Variants in CAMTA1 observed in about 807,000 individuals in gnomAD.
CAMTA1 encodes calmodulin binding transcription activator 1.
In CAMTA1, 27 loss-of-function variants were observed where a neutral mutation model predicts 170.9. The ratio of observed to expected loss-of-function variants is 0.16; its 90% CI spans 0.12 to 0.22. The LOEUF is 0.22. CAMTA1 is among the 10% of genes least tolerant of loss of function. CAMTA1 has a pLI of 1.00. For missense variants in CAMTA1, 1,619 were observed against 2,217.2 expected, an observed-to-expected ratio of 0.73 and a Z score of 5.42; for synonymous variants, 833 against 891.5, an observed-to-expected ratio of 0.93 and a Z score of 1.17.
chr1:7,470,638 G>T (rs1240534084), intron 6 of CAMTA1, among the ~76,000 whole-genome samples: 1 of 152,150 alleles, frequency 6.6e-6, no homozygotes, highest in African/African-American at 2.4e-5. Flanking sequence ...CCCTGCAGGG[G>T]GTGAGCCTTC....
intron 3 of CAMTA1, among the ~76,000 whole-genome samples, chr1:6,975,444 C>G (rs1179470292): frequency 6.6e-6 from 1 of 152,100 alleles, no homozygotes; most frequent in East Asian, 1.9e-4. Context: ...GCGCTGTTTG[C>G]TGTGGAATTC....
chr1:7,255,329 T>C (rs1667204712), intron 5 of CAMTA1, among the ~76,000 whole-genome samples: 1 of 152,058 alleles, frequency 6.6e-6, no homozygotes, highest in Non-Finnish European at 1.5e-5. Flanking sequence ...GAAAATTAAA[T>C]TAAAAGAAAA....
chr1:7,559,294 C>T (rs1451930096), intron 6 of CAMTA1, among the ~76,000 whole-genome samples: 2 of 152,196 alleles, frequency 1.3e-5, no homozygotes, highest in Non-Finnish European at 2.9e-5. Context: ...CAAGGGCACA[C>T]GGCCCTCCTG....
intron 5 of CAMTA1, among the ~76,000 whole-genome samples, chr1:7,373,133 G>A (rs2086601566): frequency 6.6e-6 from 1 of 152,208 alleles, no homozygotes; most frequent in Admixed American, 6.5e-5. Flanking sequence ...TATCAGCCAT[G>A]GCACTGGGTC....
chr1:7,493,058 C>A (rs1384196060), intron 6 of CAMTA1, among the ~76,000 whole-genome samples: 1 of 89,362 alleles, frequency 1.1e-5, no homozygotes, highest in Non-Finnish European at 2.1e-5. Context: ...TACATACACA[C>A]GCGCGCACAC....
chr1:6,855,489 G>A (rs1661967095), intron 3 of CAMTA1, among the ~76,000 whole-genome samples: 1 of 151,530 alleles, frequency 6.6e-6, no homozygotes, highest in African/African-American at 2.4e-5. Context: ...GAGGGGAGGT[G>A]CTACACACTT....
chr1:7,449,145 G>C (rs2092751038), intron 5 of CAMTA1, among the ~76,000 whole-genome samples: 1 of 152,224 alleles, frequency 6.6e-6, no homozygotes, highest in Non-Finnish European at 1.5e-5. Flanking sequence ...GAAAGAAGAA[G>C]CTGACCCTGG....
At chr1:6,908,727 T>C (rs1338696687) in intron 3 of CAMTA1, among the ~76,000 whole-genome samples, 1 of 152,248 alleles carries the variant, frequency 6.6e-6, no homozygotes, top group Non-Finnish European at 1.5e-5. Context: ...GTTATGGCAT[T>C]GTGAGCTCAA....
At chr1:6,960,362 G>A (rs1557888093) in intron 3 of CAMTA1, among the ~76,000 whole-genome samples, 3 of 152,090 alleles carry the variant, frequency 2.0e-5, no homozygotes, top group Admixed American at 6.5e-5. Context: ...GACAGTGTGG[G>A]CCCCCATTTT....
chr1:6,816,885 A>G (rs1485283815), intron 1 of CAMTA1, among the ~76,000 whole-genome samples: 2 of 152,200 alleles, frequency 1.3e-5, no homozygotes, highest in Admixed American at 6.5e-5. Flanking sequence ...AGTACAAGGT[A>G]GCCCTTTCTT....
At chr1:7,429,607 G>A (rs1427421640) in intron 5 of CAMTA1, among the ~76,000 whole-genome samples, 6 of 151,994 alleles carry the variant, frequency 3.9e-5, no homozygotes, top group Non-Finnish European at 5.9e-5. Flanking sequence ...GAATGGTGAT[G>A]CTGATGGTGG....
chr1:7,202,550 T>A lies in CAMTA1; in HGVS notation c.303-46941T>A, dbSNP rs1008517248. ...GTTTTTCCATTTATTTAGGTCTTTT[T>A]AAATTTGTTTCAACCATGTTTTATA... On this transcript the variant is annotated intron_variant, in intron 4 of 22. Coordinates refer to ENST00000303635, the MANE Select transcript of CAMTA1 (RefSeq NM_015215.4). Among the ~76,000 whole-genome samples, 8 of 152,210 alleles carry A rather than the reference T, an allele frequency of 5.3e-5. 1 individual carries two copies. The highest frequency in any genetic ancestry group is 1.2e-4 in the Non-Finnish European group (8 of 68,010).
At chr1:7,273,155 C>A (rs1182725716) in intron 5 of CAMTA1, among the ~76,000 whole-genome samples, 1 of 152,128 alleles carries the variant, frequency 6.6e-6, no homozygotes, top group Non-Finnish European at 1.5e-5. Flanking sequence ...TGATGGTGAT[C>A]CAAAATGCTG....
intron 6 of CAMTA1, among the ~76,000 whole-genome samples, chr1:7,607,407 A>G (rs907068053): frequency 6.7e-6 from 1 of 149,930 alleles, no homozygotes; most frequent in Non-Finnish European, 1.5e-5. Context: ...TGGTGGATGG[A>G]TGGATGGATG....
chr1:7,198,936 T>C (rs750858118), intron 4 of CAMTA1, among the ~76,000 whole-genome samples: 3 of 152,142 alleles, frequency 2.0e-5, no homozygotes, highest in Non-Finnish European at 2.9e-5. Flanking sequence ...TCTTCCCTAC[T>C]CCTGACCTTT....
rs1699623210 is a variant in CAMTA1 at position 7,010,446 on chromosome 1, ATG to A, written c.235-80857_235-80856del. 1.3e-5 allele frequency among the ~76,000 whole-genome samples: 2 copies of A among 152,200 alleles called. No individual in the cohort carries two copies. The highest frequency in any genetic ancestry group is 4.8e-5 in the African/African-American group (2 of 41,458). ...CTCCCAGGTCATGTCAGTCCTGAGG[ATG>A]CCAGGAGACGCTTTCTGAACACAGT... On this transcript the variant is annotated intron_variant, in intron 3 of 22. Coordinates refer to ENST00000303635, the MANE Select transcript of CAMTA1 (RefSeq NM_015215.4). This position sits in a 1 kb window ranked among gnomAD's most constrained non-coding sequence, Gnocchi z 4.4.
Position 7,093,186 on chromosome 1 carries a change from G to T in CAMTA1, c.302+1815G>T, listed in dbSNP as rs142719407. 2.0e-4 allele frequency among the ~76,000 whole-genome samples: 31 copies of T among 152,296 alleles called. No individual in the cohort carries two copies. In the East Asian group the frequency reaches 5.8e-3, roughly 28 times the overall value. The stretch of plus-strand genomic sequence containing the variant: ...GAGCAGGCATCAGAATCAGCTGAGG[G>T]CTCATTAAAATGCGGGCCCCACCCT... On this transcript the variant is annotated intron_variant, in intron 4 of 22. Coordinates refer to ENST00000303635, the MANE Select transcript of CAMTA1 (RefSeq NM_015215.4). This position sits in a 1 kb window ranked among gnomAD's most constrained non-coding sequence, Gnocchi z 4.6.
intron 4 of CAMTA1, among the ~76,000 whole-genome samples, chr1:7,212,522 A>AT (rs998004063): frequency 8.5e-5 from 13 of 152,114 alleles, no homozygotes; most frequent in African/African-American, 3.1e-4. Context: ...TGCACATTGC[A>AT]TTTTTTTAAA....
chr1:6,969,805 A>C (rs923273040), intron 3 of CAMTA1, among the ~76,000 whole-genome samples: 6 of 152,188 alleles, frequency 3.9e-5, no homozygotes, highest in Non-Finnish European at 5.9e-5. Context: ...TTTATTTTGA[A>C]ATTTATTTAT....
Sources: allele counts gnomAD v4.1 joint callset (sites outside exome capture counted in the v4.1 genomes callset), GRCh38; gene constraint gnomAD v4.1.1; non-coding constraint Gnocchi (gnomAD v3.1); transcripts MANE v1.5; gene names NCBI Gene and HGNC (gene_info 2026-07-23, HGNC 2026-07-21).